USP9X: variants seen among roughly 807,000 people sequenced by gnomAD.
USP9X encodes ubiquitin specific peptidase 9 X-linked.
Under a neutral mutation model 190.3 loss-of-function variants are expected in USP9X, and 7 were observed. The ratio of observed to expected loss-of-function variants is 0.04; its 90% CI spans 0.02 to 0.07. USP9X has a LOEUF of 0.07. USP9X is among the 10% of genes least tolerant of loss of function. USP9X has a pLI of 1.00. For missense variants in USP9X, 1,010 were observed against 1,916.9 expected (o/e 0.53, Z 8.83); for synonymous variants, 645 against 659.5 (o/e 0.98, Z 0.34).
chrX:41,096,143 C>A (rs979431836), intron 1 of USP9X, among the ~76,000 whole-genome samples: 2 of 112,381 alleles, frequency 1.8e-5, no homozygotes, highest in Non-Finnish European at 3.8e-5. Flanking sequence ...AATGACTACT[C>A]TCTCAATGTG....
chrX:41,086,290 C>T (rs1293568254), intron 1 of USP9X, among the ~76,000 whole-genome samples, 181 bp downstream of exon 1: 1 of 112,284 alleles, frequency 8.9e-6, no homozygotes, highest in South Asian at 3.6e-4. Context: ...CGCGCGGGCC[C>T]GTGTTGTGTG....
intron 21 of USP9X, among the ~76,000 whole-genome samples, chrX:41,173,045 C>T (rs2062740760): frequency 9.0e-6 from 1 of 111,697 alleles, no homozygotes; most frequent in Non-Finnish European, 1.9e-5. Flanking sequence ...GTTTTCTCAC[C>T]AGCATTTTGC....
intron 33 of USP9X, among the ~76,000 whole-genome samples, chrX:41,213,626 A>C (rs892083151): frequency 3.6e-5 from 4 of 112,038 alleles, no homozygotes; most frequent in South Asian, 7.4e-4. Context: ...TAAATTTACT[A>C]TCTGGCCCTT....
intron 12 of USP9X, among the ~76,000 whole-genome samples, chrX:41,150,046 C>T (rs2062509345): frequency 1.8e-5 from 2 of 110,303 alleles, no homozygotes; most frequent in South Asian, 3.8e-4. Context: ...TCGATTATGG[C>T]GCCATTAAAA....
intron 1 of USP9X, among the ~76,000 whole-genome samples, chrX:41,096,692 G>C (rs368101619): frequency 2.6e-4 from 29 of 111,322 alleles, no homozygotes; most frequent in African/African-American, 9.5e-4. Context: ...AGCCTGCCTT[G>C]GTCCCCCAAA....
At chrX:41,109,026 G>A (rs1334539876) in intron 1 of USP9X, among the ~76,000 whole-genome samples, 2 of 111,557 alleles carry the variant, frequency 1.8e-5, no homozygotes, top group African/African-American at 6.5e-5. Context: ...ACTGGGAGCT[G>A]GGTCGGGGGA....
At chrX:41,111,140 A>G (rs1569152406) in intron 1 of USP9X, among the ~76,000 whole-genome samples, 1 of 98,336 alleles carries the variant, frequency 1.0e-5, no homozygotes, top group South Asian at 4.4e-4. Context: ...CCTAACCCTC[A>G]TGTGATGAGG....
At chrX:41,150,098 G>A (rs181879928) in intron 12 of USP9X, among the ~76,000 whole-genome samples, 264 of 108,469 alleles carry the variant, frequency 2.4e-3, no homozygotes, top group African/African-American at 8.1e-3. Flanking sequence ...TTTTGCTGCC[G>A]AAAAAGGAAT....
intron 2 of USP9X, among the ~76,000 whole-genome samples, chrX:41,125,684 A>ACACACACACACACACACACACACTCT: frequency 5.3e-5 from 1 of 19,027 alleles, no homozygotes. Context: ...ACACACACAC[A>ACACACACACACACACACACACACTCT]CTCTCTCTCT....
At chrX:41,230,156 G>A (rs986476940) in intron 43 of USP9X, among the ~76,000 whole-genome samples, 3 of 111,630 alleles carry the variant, frequency 2.7e-5, no homozygotes, top group Non-Finnish European at 3.8e-5. Flanking sequence ...AGCGGAGATC[G>A]TGCCAGTGGG....
intron 5 of USP9X, among the ~76,000 whole-genome samples, chrX:41,135,780 G>A (rs1338010470): frequency 2.7e-5 from 3 of 110,752 alleles, no homozygotes; most frequent in African/African-American, 9.9e-5. Context: ...ACAGGCGTGC[G>A]CCACCACGCC....
At chrX:41,231,535 C>G (rs1427872341) in intron 44 of USP9X, among the ~76,000 whole-genome samples, 1 of 110,275 alleles carries the variant, frequency 9.1e-6, no homozygotes, top group Non-Finnish European at 1.9e-5. Flanking sequence ...TGAGACCAGC[C>G]TGACCAACAT....
chrX:41,217,750 T>G (rs1193866990), intron 36 of USP9X, among the ~76,000 whole-genome samples: 2 of 110,669 alleles, frequency 1.8e-5, no homozygotes, highest in African/African-American at 6.6e-5. Flanking sequence ...ATTACCCAAG[T>G]ATGGTGGCGC....
At position 41,188,154 on chromosome X, in the gene USP9X, A is replaced by G. The variant is rs778999180; in HGVS notation, c.3810+37A>G. Reference sequence around the variant, plus strand: ...CACAGAACTATATTCCTTGTAAACAAATGTTTCTTAATTGTGCATGTGGTT... The same window carrying G: ...CACAGAACTATATTCCTTGTAAACAGATGTTTCTTAATTGTGCATGTGGTT... On this transcript the variant is annotated intron_variant, in intron 25 of 44. Coordinates refer to ENST00000378308, the MANE Select transcript of USP9X (RefSeq NM_001039591.3). 17 of 1,139,477 alleles carry G rather than the reference A, an allele frequency of 1.5e-5. No individual in the cohort carries two copies. The Admixed American group carries it at 3.9e-4, about 26-fold the overall frequency. 93.9% of individuals were successfully genotyped at this position (1,139,477 alleles called of 1,213,427 possible).
At chrX:41,125,374 C>T (rs751324337) in intron 2 of USP9X, among the ~76,000 whole-genome samples, 6 of 63,262 alleles carry the variant, frequency 9.5e-5, no homozygotes, top group Admixed American at 7.4e-4. Context: ...GGTACCCGGC[C>T]GATCCATTTT....
chrX:41,125,680 A>T (rs866516200), intron 2 of USP9X, among the ~76,000 whole-genome samples: 449 of 26,482 alleles, frequency 0.017, 5 homozygotes, highest in African/African-American at 0.043. Context: ...ACACACACAC[A>T]CACACTCTCT....
chrX:41,129,660 G>A (rs1348050107), intron 3 of USP9X, among the ~76,000 whole-genome samples: 1 of 111,905 alleles, frequency 8.9e-6, no homozygotes, highest in Non-Finnish European at 1.9e-5. Flanking sequence ...CTCCAAGAGA[G>A]TGAAGCTTTA....
At chrX:41,205,142 TG>T in intron 31 of USP9X, 160 bp from the exon 32 acceptor site, 1 of 402,974 alleles carries the variant, frequency 2.5e-6, no homozygotes, top group Non-Finnish European at 4.2e-6. Flanking sequence ...ATATGTGAAA[TG>T]GTGGGGATAA....
At chrX:41,138,586 C>G (rs754767868) in intron 6 of USP9X, among the ~76,000 whole-genome samples, 5 of 112,058 alleles carry the variant, frequency 4.5e-5, no homozygotes, top group African/African-American at 1.6e-4. Context: ...CTCTACACCT[C>G]CTACCCTCCT....
Sources: allele counts gnomAD v4.1 joint callset (sites outside exome capture counted in the v4.1 genomes callset), GRCh38; gene constraint gnomAD v4.1.1; transcripts MANE v1.5; gene names NCBI Gene and HGNC (gene_info 2026-07-23, HGNC 2026-07-21).